The following AGBL1 variants were observed in gnomAD, a reference collection of about 807,000 sequenced individuals.
AGBL1 encodes AGBL carboxypeptidase 1.
In AGBL1, 130 loss-of-function variants were observed where a neutral mutation model predicts 118.9. The observed-to-expected ratio is 1.09, with a 90% CI of 0.95 to 1.26. AGBL1 has a LOEUF of 1.26. Among genes scored for constraint, AGBL1 ranks in the 50% most tolerant of loss-of-function variants. The probability of loss-of-function intolerance (pLI) is 0.00; values close to 1 mark genes in which losing one functional copy is unlikely to be tolerated. For synonymous variants in AGBL1, 555 were observed against 478.9 expected (o/e 1.16, Z -2.08); for missense variants, 1,584 against 1,298.1 (o/e 1.22, Z -3.38).
intron 22 of AGBL1, among the ~76,000 whole-genome samples, chr15:86,747,261 A>G (rs1438773952): frequency 6.6e-6 from 1 of 152,140 alleles, no homozygotes; most frequent in East Asian, 1.9e-4. Flanking sequence ...GTTTGTAAAA[A>G]TATTTGAAAG....
At chr15:86,301,349 A>G (rs2079741803) in intron 17 of AGBL1, among the ~76,000 whole-genome samples, 2 of 151,376 alleles carry the variant, frequency 1.3e-5, no homozygotes, top group South Asian at 2.1e-4. Flanking sequence ...TTACCTATCT[A>G]GTTGGTGGCA....
chr15:86,700,403 T>G (rs189985723), intron 22 of AGBL1, among the ~76,000 whole-genome samples: 7 of 151,876 alleles, frequency 4.6e-5, no homozygotes, highest in Non-Finnish European at 1.0e-4. Context: ...CTTGGTCCTT[T>G]TGTGAAGTTA....
chr15:86,485,246 C>A (rs1266482801), intron 18 of AGBL1, among the ~76,000 whole-genome samples: 1 of 152,162 alleles, frequency 6.6e-6, no homozygotes, highest in South Asian at 2.1e-4. Context: ...AAATTCAAAT[C>A]TGCATTTTAC....
intron 5 of AGBL1, among the ~76,000 whole-genome samples, chr15:86,184,745 A>T (rs756627119): frequency 2.0e-5 from 3 of 152,142 alleles, no homozygotes; most frequent in Non-Finnish European, 4.4e-5. Context: ...CATCCTCATC[A>T]AGCTACCAAT....
chr15:86,510,200 A>G (rs111377379), intron 18 of AGBL1, among the ~76,000 whole-genome samples: 23 of 152,262 alleles, frequency 1.5e-4, no homozygotes, highest in Admixed American at 5.2e-4. Context: ...GGATTTTATT[A>G]TACATCCAGA....
chr15:86,586,742 C>T (rs74667808), intron 21 of AGBL1, among the ~76,000 whole-genome samples: 3,338 of 152,046 alleles, frequency 0.022, 118 homozygotes, highest in African/African-American at 0.075. Flanking sequence ...CAGGCCATCT[C>T]GAAGTGGGAG....
intron 17 of AGBL1, among the ~76,000 whole-genome samples, chr15:86,395,539 A>G (rs1187531260): frequency 1.3e-5 from 2 of 152,074 alleles, no homozygotes; most frequent in African/African-American, 4.8e-5. Flanking sequence ...GAGAACAAGG[A>G]CTATAATTTA....
intron 19 of AGBL1, among the ~76,000 whole-genome samples, chr15:86,536,602 C>T (rs1304935626): frequency 1.3e-5 from 2 of 152,138 alleles, no homozygotes; most frequent in Non-Finnish European, 2.9e-5. Flanking sequence ...AGCCACTGTG[C>T]CTGGTCAAAA....
intron 24 of AGBL1, among the ~76,000 whole-genome samples, chr15:87,023,019 C>T (rs2081683607): frequency 6.6e-6 from 1 of 151,870 alleles, no homozygotes; most frequent in Non-Finnish European, 1.5e-5. Flanking sequence ...CACTTTAAAG[C>T]ATAAATCTCA....
At chr15:86,689,173 G>T (rs1206957965) in intron 22 of AGBL1, among the ~76,000 whole-genome samples, 2 of 152,074 alleles carry the variant, frequency 1.3e-5, no homozygotes, top group African/African-American at 4.8e-5. Flanking sequence ...GTCACTAGTT[G>T]TTCCTCTGTC....
Position 86,675,865 on chromosome 15 carries a change from C to T in AGBL1, c.3158+1429C>T, listed in dbSNP as rs145537798. Among the ~76,000 whole-genome samples the T allele has an allele frequency of 3.4e-3, 518 of 152,238 alleles. 7 individuals are homozygous for T. Among genetic ancestry groups the T allele is most frequent in the African/African-American group, 0.012 (484 of 41,532 alleles). On this transcript the variant is annotated intron_variant, in intron 22 of 22. Transcript: ENST00000614907. ...TTGCTTTCGTCAAATTGATTGTGCC[C>T]GTCTGTTTGATCCAATTCAGTGAGG...
chr15:86,846,019 A>G (rs1194261976), intron 22 of AGBL1, among the ~76,000 whole-genome samples: 1 of 152,164 alleles, frequency 6.6e-6, no homozygotes, highest in Admixed American at 6.5e-5. Flanking sequence ...TCAGTTTGCA[A>G]ACTGATATTG....
chr15:86,216,082 G>A (rs1025246353), intron 5 of AGBL1, among the ~76,000 whole-genome samples: 12 of 152,176 alleles, frequency 7.9e-5, no homozygotes, highest in African/African-American at 2.2e-4. Flanking sequence ...TACAATTGAC[G>A]TTTGTATGTT....
chr15:86,422,775 C>G (rs1303822188), intron 18 of AGBL1, among the ~76,000 whole-genome samples: 2 of 152,078 alleles, frequency 1.3e-5, no homozygotes, highest in Non-Finnish European at 1.5e-5. Context: ...CACCACTGAT[C>G]CCACAGAAAT....
chr15:86,298,267 ATATATATATATATGGTAAC>A (rs2079684119), intron 17 of AGBL1, among the ~76,000 whole-genome samples: 2 of 115,444 alleles, frequency 1.7e-5, no homozygotes, highest in African/African-American at 8.1e-5. Flanking sequence ...ATATATATAT[ATATATATATATATGGTAAC>A]TATATATATA....
intron 18 of AGBL1, among the ~76,000 whole-genome samples, chr15:86,459,395 T>C (rs1436816463): frequency 1.3e-5 from 2 of 152,116 alleles, no homozygotes; most frequent in Non-Finnish European, 2.9e-5. Flanking sequence ...GTCCCCAAGA[T>C]TGAGACTGGA....
At chr15:86,572,918 C>A (rs900928903) in intron 21 of AGBL1, among the ~76,000 whole-genome samples, 1 of 152,220 alleles carries the variant, frequency 6.6e-6, no homozygotes, top group African/African-American at 2.4e-5. Flanking sequence ...CATTCTTCAC[C>A]ATTTCTGCAA....
At chr15:86,587,509 G>A (rs1401757792) in intron 21 of AGBL1, among the ~76,000 whole-genome samples, 2 of 152,150 alleles carry the variant, frequency 1.3e-5, no homozygotes, top group African/African-American at 4.8e-5. Flanking sequence ...GGGAAAGTGG[G>A]TCTAATTCTA....
intron 22 of AGBL1, among the ~76,000 whole-genome samples, chr15:86,885,897 A>G (rs1026477097): frequency 6.6e-6 from 1 of 152,202 alleles, no homozygotes; most frequent in Non-Finnish European, 1.5e-5. Context: ...CTTACAACAA[A>G]AAGGCCTGTG....
Sources: allele counts gnomAD v4.1 joint callset (sites outside exome capture counted in the v4.1 genomes callset), GRCh38; gene constraint gnomAD v4.1.1; transcripts MANE v1.5; gene names NCBI Gene and HGNC (gene_info 2026-07-23, HGNC 2026-07-21).